Variants in RALGPS2 observed in about 807,000 individuals in gnomAD.
RALGPS2 encodes ras-specific guanine nucleotide-releasing factor RalGPS2.
Under a neutral mutation model 86.8 loss-of-function variants are expected in RALGPS2, and 43 were observed. That is an observed-to-expected ratio of 0.50 (90% confidence interval 0.39 to 0.64). The LOEUF (loss-of-function observed/expected upper bound fraction) is 0.64. Among genes scored for constraint, RALGPS2 ranks in the 30% least tolerant of loss-of-function variants. RALGPS2 has a pLI of 0.00. For missense variants in RALGPS2, 536 were observed against 694.6 expected, an observed-to-expected ratio of 0.77 and a Z score of 2.57; for synonymous variants, 243 against 231.3, an observed-to-expected ratio of 1.05 and a Z score of -0.46.
intron 1 of RALGPS2, among the ~76,000 whole-genome samples, chr1:178,757,110 G>A (rs922007256): frequency 3.9e-5 from 6 of 152,108 alleles, no homozygotes; most frequent in Admixed American, 1.3e-4. Context: ...CAGCTTGAAC[G>A]TTATTGTTGT....
At chr1:178,820,506 C>A (rs1001636917) in intron 6 of RALGPS2, among the ~76,000 whole-genome samples, 8 of 152,206 alleles carry the variant, frequency 5.3e-5, no homozygotes, top group African/African-American at 1.9e-4. Flanking sequence ...CCCTCACTCT[C>A]AAGTGTCATT....
chr1:178,798,094 T>C (rs1038875893), intron 4 of RALGPS2, among the ~76,000 whole-genome samples: 2 of 152,144 alleles, frequency 1.3e-5, no homozygotes, highest in African/African-American at 4.8e-5. Flanking sequence ...TATTTTGTCT[T>C]TTACTACCAT....
At chr1:178,852,230 CTTTCTATT>C (rs1657218183) in intron 8 of RALGPS2, among the ~76,000 whole-genome samples, 1 of 152,170 alleles carries the variant, frequency 6.6e-6, no homozygotes, top group African/African-American at 2.4e-5. Flanking sequence ...CTGCCCACCA[CTTTCTATT>C]TTCTTACTCA....
At chr1:178,842,698 C>G (rs1193239490) in intron 8 of RALGPS2, among the ~76,000 whole-genome samples, 2 of 146,654 alleles carry the variant, frequency 1.4e-5, no homozygotes, top group African/African-American at 5.0e-5. Context: ...AAGAAACTAC[C>G]ATCAGAGTGA....
Position 178,877,508 on chromosome 1 carries a change from G to A in RALGPS2, c.618G>A (p.Leu206=). The change falls in exon 9 of 20, where the codon TTG becomes TTA. Residue 206 remains leucine, a synonymous_variant. Coordinates refer to ENST00000367635, the MANE Select transcript of RALGPS2 (RefSeq NM_152663.5). ...CTAATTGTATTTCAGGTATCTATTT[G>A]TCAGATTTAACATACATCGATTCAG... ...TPCIPYLGIY[L]SDLTYIDSAY... is the part of the protein sequence containing the mutation. The A allele has an allele frequency of 5.0e-6, 8 of 1,612,950 alleles. No individual in the cohort carries two copies. Among genetic ancestry groups the A allele is most frequent in the Non-Finnish European group, 6.8e-6 (8 of 1,179,348 alleles).
intron 1 of RALGPS2, chr1:178,726,020 G>C (rs1558089100): frequency 6.6e-6 from 1 of 152,254 alleles, no homozygotes; most frequent in Non-Finnish European, 1.5e-5. Flanking sequence ...TGCGTCCTGT[G>C]CTGGCCTCGG....
intron 13 of RALGPS2, among the ~76,000 whole-genome samples, chr1:178,886,479 G>T (rs982293601): frequency 1.3e-5 from 2 of 152,214 alleles, no homozygotes; most frequent in Non-Finnish European, 2.9e-5. Flanking sequence ...CCAAGGTAGA[G>T]AAGACAGAGT....
At chr1:178,864,587 G>T (rs1658254563) in intron 8 of RALGPS2, among the ~76,000 whole-genome samples, 1 of 152,124 alleles carries the variant, frequency 6.6e-6, no homozygotes, top group South Asian at 2.1e-4. Context: ...GTAAATAAAA[G>T]AATTGTCGGG....
chr1:178,749,317 T>A (rs1651519660), intron 1 of RALGPS2, among the ~76,000 whole-genome samples: 2 of 152,256 alleles, frequency 1.3e-5, no homozygotes, highest in African/African-American at 4.8e-5. Context: ...TGAATCCTTG[T>A]CTTTACTAAA....
intron 7 of RALGPS2, among the ~76,000 whole-genome samples, chr1:178,832,875 A>G (rs544726175): frequency 6.6e-6 from 1 of 151,504 alleles, no homozygotes; most frequent in South Asian, 2.1e-4. Context: ...AGTATCTTTT[A>G]GTTATGTTGT....
intron 11 of RALGPS2, among the ~76,000 whole-genome samples, chr1:178,884,023 T>C (rs550608351): frequency 6.6e-6 from 1 of 152,076 alleles, no homozygotes; most frequent in East Asian, 1.9e-4. Context: ...TTGTCAGTAG[T>C]GTACAAACAA....
chr1:178,788,099 C>T (rs1038492416), intron 4 of RALGPS2, among the ~76,000 whole-genome samples: 1 of 152,172 alleles, frequency 6.6e-6, no homozygotes, highest in Admixed American at 6.5e-5. Flanking sequence ...CTTCCTTTAG[C>T]CCCTCTCACC....
Position 178,919,467 on chromosome 1 carries a change from T to C in RALGPS2, c.*3108T>C, listed in dbSNP as rs1660914319. On this transcript the variant is annotated 3_prime_UTR_variant, in exon 20 of 20. Coordinates refer to ENST00000367635, the MANE Select transcript of RALGPS2 (RefSeq NM_152663.5). ...CTTTATTCCTCTTCTAGAAGATTTA[T>C]GAGGAGCCTAGGAAGCACTATTGGT... The C allele has an allele frequency of 6.6e-6, 1 of 151,982 alleles. No homozygotes were observed. The highest frequency in any genetic ancestry group is 2.4e-5 in the African/African-American group (1 of 41,420). 9.4% of individuals were successfully genotyped at this position (151,982 alleles called of 1,614,324 possible).
At chr1:178,828,158 C>T (rs1273203062) in intron 7 of RALGPS2, among the ~76,000 whole-genome samples, 2 of 152,160 alleles carry the variant, frequency 1.3e-5, no homozygotes, top group Non-Finnish European at 2.9e-5. Flanking sequence ...GCAAAGGAGA[C>T]AGTCTATGGA....
intron 17 of RALGPS2, 24 bp downstream of exon 17, chr1:178,897,780 T>C (rs1457743832): frequency 1.3e-6 from 2 of 1,584,648 alleles, no homozygotes; most frequent in South Asian, 2.2e-5. Context: ...CTCTACATTT[T>C]TAGCGTGGTT....
In RALGPS2 at chr1:178,917,492, AAAT is replaced by A. The variant is rs1443606499; in HGVS notation, c.*1137_*1139del. On this transcript the variant is annotated 3_prime_UTR_variant, in exon 20 of 20. Transcript: ENST00000367635. Reference sequence around the variant, plus strand: ...TATATATTTTGTTATAAGACATACAAAATAATTTTAAGAGGGATAAAGGTGAAA... The same window carrying A: ...TATATATTTTGTTATAAGACATACAAAATTTTAAGAGGGATAAAGGTGAAA... 2.0e-5 allele frequency: 3 copies of A among 152,184 alleles called. No homozygotes were observed. The highest frequency in any genetic ancestry group is 7.2e-5 in the African/African-American group (3 of 41,468). The allele number at this position is 152,184 out of a possible 1,614,324, so 9.4% of individuals were successfully genotyped here.
intron 4 of RALGPS2, among the ~76,000 whole-genome samples, chr1:178,799,800 A>G (rs932156567): frequency 5.3e-5 from 8 of 152,208 alleles, no homozygotes; most frequent in African/African-American, 1.7e-4. Context: ...GAACCCTTAT[A>G]TAGAACATCA....
intron 1 of RALGPS2, among the ~76,000 whole-genome samples, chr1:178,734,155 A>G (rs1488115502): frequency 6.6e-6 from 1 of 152,256 alleles, no homozygotes; most frequent in Non-Finnish European, 1.5e-5. Context: ...TCAAAACCGC[A>G]GTGAGATACC....
At chr1:178,749,986 C>T (rs1651563743) in intron 1 of RALGPS2, among the ~76,000 whole-genome samples, 1 of 152,078 alleles carries the variant, frequency 6.6e-6, no homozygotes, top group African/African-American at 2.4e-5. Context: ...TGGCGCACAC[C>T]TGTTGTCCCA....
Sources: gnomAD v4.1 joint callset for allele counts (sites outside exome capture counted in the v4.1 genomes callset) on GRCh38, gnomAD v4.1.1 for gene constraint, MANE v1.5 for transcripts, NCBI Gene and HGNC (gene_info 2026-07-23, HGNC 2026-07-21) for gene names.